Variants in ANKRD66 observed in about 807,000 individuals in gnomAD.
The protein encoded by ANKRD66 is ankyrin repeat domain 66.
A neutral mutation model predicts 10.9 loss-of-function variants in ANKRD66; 10 were observed. That is an observed-to-expected ratio of 0.91 (90% confidence interval 0.56 to 1.55). The LOEUF (loss-of-function observed/expected upper bound fraction) is 1.55. ANKRD66 is among the 40% of genes most tolerant of loss of function. ANKRD66 has a pLI of 0.00. For synonymous variants in ANKRD66, 85 were observed against 88.4 expected, an observed-to-expected ratio of 0.96 and a Z score of 0.22; for missense variants, 252 against 242.9, an observed-to-expected ratio of 1.04 and a Z score of -0.25.
At position 46,750,698 on chromosome 6, in the gene ANKRD66, C is replaced by T. The variant is rs114354546; in HGVS notation, c.-13+719C>T. Among the ~76,000 whole-genome samples, 749 of 147,350 alleles carry T rather than the reference C, an allele frequency of 5.1e-3. 6 individuals carry two copies. Among genetic ancestry groups the T allele is most frequent in the African/African-American group, 0.017 (683 of 40,314 alleles). ...CATATACACATGTATATTATATATACGTGTGTGTACATATAATATACACAT... is the reference window on the plus strand; with the variant it reads ...CATATACACATGTATATTATATATATGTGTGTGTACATATAATATACACAT... On this transcript the variant is annotated intron_variant, in intron 2 of 4. Coordinates refer to ENST00000565422, the MANE Select transcript of ANKRD66 (RefSeq NM_001162435.3).
rs1224691487 is a variant in ANKRD66 at position 46,753,775 on chromosome 6, G to T, written c.217G>T (p.Val73Phe). 2 of 1,551,650 alleles carry T rather than the reference G, an allele frequency of 1.3e-6. No homozygotes were observed. Among genetic ancestry groups the T allele is most frequent in the Middle Eastern group, 1.7e-4 (1 of 5,978 alleles). The change falls in exon 4 of 5, where the codon GTT becomes TTT. Residue 73 changes from valine to phenylalanine, a missense_variant. Transcript: ENST00000565422. ...LIEYGARPCL[V>F]TSVGWTPAHF... The stretch of plus-strand genomic sequence containing the variant: ...AGAATATGGAGCCAGGCCCTGCCTG[G>T]TTACTAGTGTGGGCTGGACCCCAGC...
intron 1 of ANKRD66, among the ~76,000 whole-genome samples, chr6:46,749,444 G>C (rs1443026165): frequency 6.6e-6 from 1 of 151,024 alleles, no homozygotes; most frequent in Non-Finnish European, 1.5e-5. Context: ...AGGGTACAAA[G>C]AGGGTAGAAA....
chr6:46,755,762 C>T (rs1435439009), intron 4 of ANKRD66, among the ~76,000 whole-genome samples: 2 of 151,874 alleles, frequency 1.3e-5, no homozygotes, highest in Non-Finnish European at 2.9e-5. Flanking sequence ...TGTCTTTCTT[C>T]TTCCCTACAC....
At chr6:46,749,630 A>T (rs1766225542) in intron 1 of ANKRD66, among the ~76,000 whole-genome samples, 1 of 124,506 alleles carries the variant, frequency 8.0e-6, no homozygotes, top group Admixed American at 1.1e-4. Flanking sequence ...GAAAAAGTTT[A>T]TTGACTCTTG....
In ANKRD66 at chr6:46,753,871, G is replaced by A. The variant is rs908132458; in HGVS notation, c.313G>A (p.Ala105Thr). 25 of 1,551,522 alleles carry A rather than the reference G, an allele frequency of 1.6e-5. No homozygotes were observed. Among genetic ancestry groups the A allele is most frequent in the Admixed American group, 1.4e-4 (7 of 50,990 alleles). ...TLHALHAAID[A>T]PDFFGDTPKR... is the part of the protein sequence containing the mutation. ...CCATGCATTGCACGCTGCCATCGAC[G>A]CCCCTGACTTCTTTGGAGACACACC... Residue 105 changes from alanine (A) to threonine (T), a missense_variant, in exon 4 of 5, where the codon GCC (alanine) becomes ACC (threonine). Physicochemically the swap from Ala to Thr is moderately conservative, Grantham distance 58. Transcript: ENST00000565422.
In ANKRD66 at chr6:46,753,172, G is replaced by A. The variant is rs369956333; in HGVS notation, c.164-550G>A. Among the ~76,000 whole-genome samples, 25 of 152,220 alleles carry A rather than the reference G, an allele frequency of 1.6e-4. No individual in the cohort carries two copies. In the East Asian group the frequency reaches 3.7e-3, roughly 22 times the overall value. On this transcript the variant is annotated intron_variant, in intron 3 of 4. Coordinates refer to ENST00000565422, the MANE Select transcript of ANKRD66 (RefSeq NM_001162435.3). The stretch of plus-strand genomic sequence containing the variant: ...TCTACAAGAATTCAGTGATATAAGG[G>A]GTAATATCCTTAATTTGCAAATGAG...
chr6:46,747,954 C>G (rs918077226), intron 1 of ANKRD66, among the ~76,000 whole-genome samples: 4 of 152,104 alleles, frequency 2.6e-5, no homozygotes, highest in Non-Finnish European at 5.9e-5. Flanking sequence ...TATTTATGTT[C>G]AATTGTTTTG....
intron 4 of ANKRD66, among the ~76,000 whole-genome samples, chr6:46,755,034 A>C (rs543906834): frequency 6.6e-6 from 1 of 152,276 alleles, no homozygotes; most frequent in South Asian, 2.1e-4. Flanking sequence ...CTGCATTATC[A>C]CCAGGTCTTG....
At position 46,753,860 on chromosome 6, in the gene ANKRD66, C is replaced by T; in HGVS notation, c.302C>T (p.Ala101Val). The part of the protein sequence containing the change: ...NILKTLHALH[A>V]AIDAPDFFGD... ...CTCAAAACTCTCCATGCATTGCACG[C>T]TGCCATCGACGCCCCTGACTTCTTT... The change falls in exon 4 of 5, where the codon GCT becomes GTT. Residue 101 changes from alanine to valine, a missense_variant. Coordinates refer to ENST00000565422, the MANE Select transcript of ANKRD66 (RefSeq NM_001162435.3). The T allele has an allele frequency of 6.4e-7, 1 of 1,551,726 alleles. No homozygotes were observed. The highest frequency in any genetic ancestry group is 8.7e-7 in the Non-Finnish European group (1 of 1,146,988).
At chr6:46,753,145 A>G (rs1766304299) in intron 3 of ANKRD66, among the ~76,000 whole-genome samples, 1 of 152,148 alleles carries the variant, frequency 6.6e-6, no homozygotes, top group Non-Finnish European at 1.5e-5. Context: ...TTTCACCTGC[A>G]CTCTACAAGA....
chr6:46,758,680 G>C (rs759169893), intron 4 of ANKRD66, 43 bp from the exon 5 acceptor site: 3 of 1,503,056 alleles, frequency 2.0e-6, no homozygotes, highest in Non-Finnish European at 2.7e-6. Flanking sequence ...GCTGGAACAG[G>C]TCCTCCTGAT....
At chr6:46,752,854 G>C (rs938288224) in intron 3 of ANKRD66, among the ~76,000 whole-genome samples, 1 of 152,184 alleles carries the variant, frequency 6.6e-6, no homozygotes, top group Non-Finnish European at 1.5e-5. Flanking sequence ...GAGGAAGATA[G>C]TGGCAAAAAC....
At chr6:46,751,797 C>G in intron 2 of ANKRD66, 140 bp from the exon 3 acceptor site, 1 of 817,740 alleles carries the variant, frequency 1.2e-6, no homozygotes, top group Non-Finnish European at 1.7e-6. Context: ...TAAGGACACA[C>G]TCATGCCACA....
rs200761978 is a variant in ANKRD66, at chr6:46,758,787, C to T, written c.457C>T (p.Arg153Cys). ...AQQKGLPLDE[R>C]DEDWDAKKRE... The stretch of plus-strand genomic sequence containing the variant: ...GCAGAAGGGGCTGCCTCTGGATGAG[C>T]GTGATGAAGACTGGGATGCCAAGAA... The change falls in exon 5 of 5, where the codon CGT becomes TGT. Residue 153 changes from arginine (R) to cysteine (C), a missense_variant. Transcript: ENST00000565422. 2.8e-4 allele frequency: 440 copies of T among 1,551,218 alleles called. No individual in the cohort carries two copies. The highest frequency in any genetic ancestry group is 3.4e-4 in the Non-Finnish European group (391 of 1,146,868).
At chr6:46,755,710 A>G (rs1366211772) in intron 4 of ANKRD66, among the ~76,000 whole-genome samples, 1 of 152,100 alleles carries the variant, frequency 6.6e-6, no homozygotes, top group Non-Finnish European at 1.5e-5. Context: ...AATAGGTATT[A>G]TCAAACAAAC....
chr6:46,757,886 T>C (rs774966988), intron 4 of ANKRD66: 1 of 152,220 alleles, frequency 6.6e-6, no homozygotes, highest in Non-Finnish European at 1.5e-5. Context: ...CGAAATAACT[T>C]GTTTACATAA....
At chr6:46,747,028 G>GTTATTAAAAATCACTCATAT in intron 1 of ANKRD66, 38 bp downstream of exon 1, 1 of 1,526,304 alleles carries the variant, frequency 6.6e-7, no homozygotes, top group Non-Finnish European at 8.8e-7. Flanking sequence ...ATTTACTATA[G>GTTATTAAAAATCACTCATAT]TTATTAAAAA....
In ANKRD66 at chr6:46,748,765, G is replaced by A. The variant is rs188448498; in HGVS notation, c.-96-1131G>A. Among the ~76,000 whole-genome samples, 1,258 of 152,284 alleles carry A rather than the reference G, an allele frequency of 8.3e-3. 15 individuals are homozygous for A. The highest frequency in any genetic ancestry group is 0.028 in the African/African-American group (1,177 of 41,550). ...TCATGTATCCCCTCAGTTGAGAACA[G>A]CTGCCACATCCTTACTCCCTCCTCA... On this transcript the variant is annotated intron_variant, in intron 1 of 4. Transcript: ENST00000565422.
At chr6:46,747,715 A>T (rs1766180309) in intron 1 of ANKRD66, among the ~76,000 whole-genome samples, 1 of 152,164 alleles carries the variant, frequency 6.6e-6, no homozygotes, top group East Asian at 1.9e-4. Context: ...AACCTTTGGG[A>T]TGTTTCCACT....
Sources: allele counts gnomAD v4.1 joint callset (sites outside exome capture counted in the v4.1 genomes callset), GRCh38; gene constraint gnomAD v4.1.1; transcripts MANE v1.5; gene names NCBI Gene and HGNC (gene_info 2026-07-23, HGNC 2026-07-21).